Variants in PBRM1 observed in about 807,000 individuals in gnomAD.
PBRM1 encodes protein polybromo-1.
Under a neutral mutation model 194.5 loss-of-function variants are expected in PBRM1, and 27 were observed. The ratio of observed to expected loss-of-function variants is 0.14; its 90% CI spans 0.10 to 0.19. PBRM1 has a LOEUF of 0.19. Among genes scored for constraint, PBRM1 ranks in the 10% least tolerant of loss-of-function variants. PBRM1 has a pLI of 1.00. For missense variants in PBRM1, 1,466 were observed against 2,077.2 expected, an observed-to-expected ratio of 0.71 and a Z score of 5.72; for synonymous variants, 655 against 693.2, an observed-to-expected ratio of 0.94 and a Z score of 0.87.
At chr3:52,668,278 C>T (rs1485784713) in intron 3 of PBRM1, among the ~76,000 whole-genome samples, 1 of 152,186 alleles carries the variant, frequency 6.6e-6, no homozygotes, top group Non-Finnish European at 1.5e-5. Flanking sequence ...GCCCGTGTAA[C>T]AGAGCAAGAC....
intron 15 of PBRM1, among the ~76,000 whole-genome samples, chr3:52,613,257 AAG>A (rs1195451236): frequency 6.6e-6 from 1 of 152,172 alleles, no homozygotes; most frequent in African/African-American, 2.4e-5. Context: ...GAAGAAGAAA[AAG>A]GGGATAGGAA....
At chr3:52,624,387 A>T (rs1346378510) in intron 13 of PBRM1, among the ~76,000 whole-genome samples, 3 of 152,262 alleles carry the variant, frequency 2.0e-5, no homozygotes, top group Non-Finnish European at 2.9e-5. Context: ...ATCATAAGTA[A>T]CATGCAAAAG....
chr3:52,655,732 TG>T (rs2096595932), intron 5 of PBRM1, among the ~76,000 whole-genome samples: 1 of 152,186 alleles, frequency 6.6e-6, no homozygotes, highest in Non-Finnish European at 1.5e-5. Flanking sequence ...AGGACAGCAG[TG>T]GTCAGTTGCT....
chr3:52,609,961 G>A lies in PBRM1; in HGVS notation c.1925-6C>T. 1 of 1,454,814 alleles carries A rather than the reference G, an allele frequency of 6.9e-7. No homozygotes were observed. The allele number at this position is 1,454,814 out of a possible 1,614,324, so 90.1% of individuals were successfully genotyped here. On this transcript the variant is annotated splice_polypyrimidine_tract_variant and splice_region_variant and intron_variant, in intron 15 of 29. Coordinates refer to ENST00000296302, the Ensembl canonical transcript of PBRM1. The surrounding 1 kb of genome is among the most constrained non-coding windows in gnomAD (Gnocchi z 4.1). ...AGAAATGCCACTCTTCCTACCTAAA[G>A]AGAGATATTTAATGTTAAATGAATA...
chr3:52,627,427 TA>T, intron 12 of PBRM1, 57 bp from the exon 14 acceptor site: 1 of 992,980 alleles, frequency 1.0e-6, no homozygotes, highest in Non-Finnish European at 1.6e-6. Flanking sequence ...CCTCTGAATA[TA>T]TGAATGTTAA....
At chr3:52,582,275 C>G (rs977842471) in intron 20 of PBRM1, among the ~76,000 whole-genome samples, 7 of 150,476 alleles carry the variant, frequency 4.7e-5, no homozygotes, top group African/African-American at 1.5e-4. Context: ...AATGACCTGT[C>G]TTGGTCATAT....
exon 28 of PBRM1, chr3:52,550,780 A>G (rs1036898812): frequency 6.2e-7 from 1 of 1,612,528 alleles, no homozygotes; most frequent in Non-Finnish European, 8.5e-7. Flanking sequence ...CTGGTGCTGG[A>G]GTCCCTACCA....
chr3:52,685,869 C>T (rs919201531), upstream of PBRM1: 3 of 535,944 alleles, frequency 5.6e-6, no homozygotes, highest in South Asian at 2.2e-5. Flanking sequence ...CTTCGGCACC[C>T]GCCGCCCTCA....
rs1271288502 is a variant in PBRM1 at position 52,642,824 on chromosome 3, T to C, written c.995+424A>G. ...TTTTTTGAGATGGAGTTTCCCTCTG[T>C]TGCCCTGGCTGGAGTGCTGTGCCAC... On this transcript the variant is annotated intron_variant, in intron 9 of 29. Transcript: ENST00000296302. Among the ~76,000 whole-genome samples, 4 of 151,634 alleles carry C rather than the reference T, an allele frequency of 2.6e-5. No individual in the cohort carries two copies. In the East Asian group the frequency reaches 5.9e-4, roughly 22 times the overall value.
intron 20 of PBRM1, among the ~76,000 whole-genome samples, chr3:52,583,640 T>C (rs896757102): frequency 6.6e-6 from 1 of 152,192 alleles, no homozygotes; most frequent in Non-Finnish European, 1.5e-5. Context: ...AAGAGCTCTT[T>C]GTATATTAGA....
intron 6 of PBRM1, among the ~76,000 whole-genome samples, chr3:52,650,601 G>T (rs2153801218): frequency 6.6e-6 from 1 of 152,170 alleles, no homozygotes; most frequent in Non-Finnish European, 1.5e-5. Context: ...CTTACCTCCT[G>T]GGAGCAGCAA....
intron 18 of PBRM1, among the ~76,000 whole-genome samples, chr3:52,588,542 GTATT>G (rs954158887): frequency 3.4e-5 from 5 of 146,622 alleles, no homozygotes; most frequent in African/African-American, 1.0e-4. Context: ...TTAAGAAGCT[GTATT>G]TCTTTCTTTT....
intron 5 of PBRM1, 43 bp from the exon 7 acceptor site, chr3:52,651,853 T>C: frequency 1.6e-6 from 2 of 1,272,930 alleles, no homozygotes; most frequent in Non-Finnish European, 2.2e-6. Context: ...GTTAAACTAT[T>C]CAGCTAATGA....
chr3:52,674,140 G>T (rs917762828), intron 2 of PBRM1, among the ~76,000 whole-genome samples: 5 of 151,526 alleles, frequency 3.3e-5, no homozygotes, highest in African/African-American at 7.3e-5. Flanking sequence ...TAAACAGTTG[G>T]TTTTTTTAAA....
At chr3:52,585,903 T>G (rs2092306684) in intron 20 of PBRM1, 1 of 152,188 alleles carries the variant, frequency 6.6e-6, no homozygotes, top group Non-Finnish European at 1.5e-5. Flanking sequence ...TAATTGGACT[T>G]GTCAAATAAT....
chr3:52,675,834 G>A lies in PBRM1; in HGVS notation c.236+2666C>T, dbSNP rs180905584. On this transcript the variant is annotated intron_variant, in intron 2 of 29. Transcript: ENST00000296302. ...ACACACATATAAAGAATGAAGCGGG[G>A]GCCGGGCGCGGTGGCTCACGCCTGT... is the stretch of plus-strand genomic sequence containing the variant. Among the ~76,000 whole-genome samples the A allele has an allele frequency of 6.6e-5, 3 of 45,746 alleles. 1 individual carries two copies. The highest frequency in any genetic ancestry group is 5.6e-4 in the Admixed American group (2 of 3,598). 30.0% of individuals were successfully genotyped at this position (45,746 alleles called of 152,430 possible). A position where few individuals can be genotyped will look rare whatever the true frequency, so the allele number is the denominator to read the frequency against.
At chr3:52,627,028 G>A (rs1294244357) in intron 13 of PBRM1, among the ~76,000 whole-genome samples, 1 of 149,644 alleles carries the variant, frequency 6.7e-6, no homozygotes, top group African/African-American at 2.4e-5. Flanking sequence ...GACGGCAAAC[G>A]GAATAACATG....
chr3:52,647,916 CT>C (rs35665793), intron 7 of PBRM1, among the ~76,000 whole-genome samples: 51,467 of 148,120 alleles, frequency 0.35, 9,671 homozygotes, highest in Admixed American at 0.47. Flanking sequence ...ACATTAAATA[CT>C]TTTTTTTTTT....
intron 3 of PBRM1, among the ~76,000 whole-genome samples, chr3:52,663,016 A>G (rs915970582): frequency 2.6e-5 from 4 of 152,184 alleles, no homozygotes; most frequent in Admixed American, 6.5e-5. Flanking sequence ...TATAGTGGGC[A>G]TAATAAACTC....
Sources: allele counts gnomAD v4.1 joint callset (sites outside exome capture counted in the v4.1 genomes callset), GRCh38; gene constraint gnomAD v4.1.1; non-coding constraint Gnocchi (gnomAD v3.1); transcripts MANE v1.5; gene names NCBI Gene and HGNC (gene_info 2026-07-23, HGNC 2026-07-21).